Variants in HS3ST4 observed in about 807,000 individuals in gnomAD.
HS3ST4 encodes heparan sulfate glucosamine 3-O-sulfotransferase 4.
Under a neutral mutation model 29.2 loss-of-function variants are expected in HS3ST4, and 17 were observed. The ratio of observed to expected loss-of-function variants is 0.58; its 90% CI spans 0.40 to 0.87. HS3ST4 has a LOEUF of 0.87. Among genes scored for constraint, HS3ST4 ranks in the 40% least tolerant of loss-of-function variants. The pLI is 0.00. For missense variants in HS3ST4, 627 were observed against 634.5 expected (o/e 0.99, Z 0.13); for synonymous variants, 314 against 285.7 (o/e 1.10, Z -1.00).
intron 1 of HS3ST4, among the ~76,000 whole-genome samples, chr16:26,010,529 G>T (rs1396225744): frequency 6.6e-6 from 1 of 152,068 alleles, no homozygotes; most frequent in Non-Finnish European, 1.5e-5. Flanking sequence ...TGTTAAGATA[G>T]AGATTTTAAA....
At chr16:26,048,243 C>A (rs1271526310) in intron 1 of HS3ST4, among the ~76,000 whole-genome samples, 1 of 152,164 alleles carries the variant, frequency 6.6e-6, no homozygotes, top group Non-Finnish European at 1.5e-5. Context: ...CAAATACAAT[C>A]ATAACAAATG....
At chr16:26,020,434 C>T (rs961364869) in intron 1 of HS3ST4, among the ~76,000 whole-genome samples, 7 of 152,224 alleles carry the variant, frequency 4.6e-5, no homozygotes, top group African/African-American at 1.4e-4. Flanking sequence ...AAAGCTCTGA[C>T]CATTCCCACA....
intron 1 of HS3ST4, among the ~76,000 whole-genome samples, chr16:25,792,962 C>T (rs1303855415): frequency 6.6e-6 from 1 of 151,898 alleles, no homozygotes; most frequent in African/African-American, 2.4e-5. Context: ...ATTCTACCAA[C>T]TATATTTTCA....
intron 1 of HS3ST4, among the ~76,000 whole-genome samples, chr16:25,727,390 G>A (rs1477640067): frequency 6.6e-6 from 1 of 152,110 alleles, no homozygotes; most frequent in African/African-American, 2.4e-5. Context: ...GTGACATGTA[G>A]TATACATCCT....
chr16:25,894,014 T>C (rs543806340), intron 1 of HS3ST4, among the ~76,000 whole-genome samples: 19 of 152,340 alleles, frequency 1.2e-4, no homozygotes, highest in Middle Eastern at 3.4e-3. Context: ...GTGGTCCTTG[T>C]ACTAATGCAT....
At chr16:25,693,244 C>T (rs1275575179) in intron 1 of HS3ST4, 93 bp downstream of exon 1, 1 of 1,360,032 alleles carries the variant, frequency 7.4e-7, no homozygotes, top group African/African-American at 1.5e-5. Context: ...CATCCAGGCA[C>T]CGTCCCGAGA....
chr16:25,863,179 G>A (rs9924933), intron 1 of HS3ST4, among the ~76,000 whole-genome samples: 27,384 of 151,906 alleles, frequency 0.18, 2,704 homozygotes, highest in African/African-American at 0.27. Flanking sequence ...TGCCTCCAGG[G>A]TTCAAGCAAT....
chr16:26,032,949 C>G lies in HS3ST4; in HGVS notation c.735-102663C>G. 1.1e-5 allele frequency: 8 copies of G among 720,720 alleles called. No homozygotes were observed. The South Asian group carries it at 1.2e-4, about 11-fold the overall frequency. 44.6% of individuals were successfully genotyped at this position (720,720 alleles called of 1,614,324 possible). ...GCGTGTTTTAAGACTGATTTAGATT[C>G]AGGCCCAAAGTATTCTTACAGTAAA... is the stretch of plus-strand genomic sequence containing the variant. On this transcript the variant is annotated intron_variant, in intron 1 of 1. Coordinates refer to ENST00000331351, the MANE Select transcript of HS3ST4 (RefSeq NM_006040.3).
chr16:25,870,818 T>C (rs1309297897), intron 1 of HS3ST4, among the ~76,000 whole-genome samples: 1 of 152,088 alleles, frequency 6.6e-6, no homozygotes, highest in Non-Finnish European at 1.5e-5. Context: ...AGGACCAAGA[T>C]GGTAGTGGTG....
intron 1 of HS3ST4, among the ~76,000 whole-genome samples, chr16:25,996,725 G>A (rs1176903046): frequency 1.3e-5 from 2 of 151,884 alleles, no homozygotes; most frequent in African/African-American, 4.8e-5. Flanking sequence ...TCTCTATTTG[G>A]CTATTTGGGG....
At chr16:25,970,453 C>G (rs774387943) in intron 1 of HS3ST4, among the ~76,000 whole-genome samples, 7 of 152,128 alleles carry the variant, frequency 4.6e-5, no homozygotes, top group Non-Finnish European at 8.8e-5. Context: ...AAATATATCC[C>G]TGTGATAATC....
intron 1 of HS3ST4, among the ~76,000 whole-genome samples, chr16:25,732,786 G>T (rs534040128): frequency 6.6e-6 from 1 of 152,180 alleles, no homozygotes; most frequent in Non-Finnish European, 1.5e-5. Context: ...TTCATTGTCG[G>T]TTTCTTTCTC....
At chr16:26,098,715 C>A (rs1425922452) in intron 1 of HS3ST4, among the ~76,000 whole-genome samples, 1 of 151,744 alleles carries the variant, frequency 6.6e-6, no homozygotes, top group Admixed American at 6.6e-5. Context: ...CACATGTACC[C>A]CAGAACTTAA....
chr16:25,737,651 G>A (rs1270612647), intron 1 of HS3ST4, among the ~76,000 whole-genome samples: 1 of 152,132 alleles, frequency 6.6e-6, no homozygotes, highest in Non-Finnish European at 1.5e-5. Context: ...CATTACTTGA[G>A]TAATGGTTAC....
chr16:25,702,870 A>G (rs1359978092), intron 1 of HS3ST4, among the ~76,000 whole-genome samples: 1 of 151,892 alleles, frequency 6.6e-6, no homozygotes, highest in Non-Finnish European at 1.5e-5. Context: ...GCTCAACTCA[A>G]CTCTTAAGAG....
At chr16:26,012,896 G>A (rs1022603602) in intron 1 of HS3ST4, among the ~76,000 whole-genome samples, 5 of 152,336 alleles carry the variant, frequency 3.3e-5, no homozygotes, top group African/African-American at 9.6e-5. Flanking sequence ...CAGGCGCAGT[G>A]GCTCACGCCT....
intron 1 of HS3ST4, among the ~76,000 whole-genome samples, chr16:25,750,814 C>T (rs1398980807): frequency 6.6e-6 from 1 of 152,202 alleles, no homozygotes; most frequent in Non-Finnish European, 1.5e-5. Context: ...CATTTTCCTT[C>T]CCCGCTTTTC....
chr16:25,831,498 G>A (rs554081578), intron 1 of HS3ST4, among the ~76,000 whole-genome samples: 1 of 151,886 alleles, frequency 6.6e-6, no homozygotes, highest in South Asian at 2.1e-4. Flanking sequence ...GACTGAGGTG[G>A]GAGGATTGCT....
At chr16:25,950,908 A>G (rs1429399882) in intron 1 of HS3ST4, among the ~76,000 whole-genome samples, 1 of 152,178 alleles carries the variant, frequency 6.6e-6, no homozygotes, top group Non-Finnish European at 1.5e-5. Context: ...GCCAGCTTTG[A>G]TCACTCTTCC....
Sources: gnomAD v4.1 joint callset for allele counts (sites outside exome capture counted in the v4.1 genomes callset) on GRCh38, gnomAD v4.1.1 for gene constraint, MANE v1.5 for transcripts, NCBI Gene and HGNC (gene_info 2026-07-23, HGNC 2026-07-21) for gene names.